LUZP2: variants seen among roughly 807,000 people sequenced by gnomAD.
LUZP2 encodes leucine zipper protein 2.
Under a neutral mutation model 51.6 loss-of-function variants are expected in LUZP2, and 52 were observed. That is an observed-to-expected ratio of 1.01 (90% CI 0.81 to 1.27). The LOEUF (loss-of-function observed/expected upper bound fraction) is 1.27. Among genes scored for constraint, LUZP2 ranks in the 50% most tolerant of loss-of-function variants. LUZP2 has a pLI of 0.00. For synonymous variants in LUZP2, 154 were observed against 137.3 expected (o/e 1.12, Z -0.85); for missense variants, 436 against 395.4 (o/e 1.10, Z -0.87).
intron 5 of LUZP2, among the ~76,000 whole-genome samples, chr11:24,818,057 C>A (rs1850237848): frequency 6.6e-6 from 1 of 152,056 alleles, no homozygotes; most frequent in Non-Finnish European, 1.5e-5. Context: ...CTAGAAAATT[C>A]TCCAAGCTCT....
intron 1 of LUZP2, among the ~76,000 whole-genome samples, chr11:24,701,825 G>T (rs950602825): frequency 6.6e-6 from 1 of 152,034 alleles, no homozygotes; most frequent in South Asian, 2.1e-4. Context: ...ACCATCTTAG[G>T]TGTCACCTTA....
At chr11:24,735,365 C>T (rs1858894766) in intron 3 of LUZP2, among the ~76,000 whole-genome samples, 1 of 151,728 alleles carries the variant, frequency 6.6e-6, no homozygotes, top group Non-Finnish European at 1.5e-5. Flanking sequence ...ATAACCACAA[C>T]AAGGAGAATA....
In LUZP2 at chr11:24,611,559, G is replaced by T. The variant is rs144684656; in HGVS notation, c.62+114254G>T. 3.6e-3 allele frequency among the ~76,000 whole-genome samples: 542 copies of T among 152,154 alleles called. 2 individuals are homozygous for T. The highest frequency in any genetic ancestry group is 8.4e-3 in the Admixed American group (128 of 15,256). ...CAGAGTTTGGCAATTATGGAACTAG[G>T]GTGGAAAGGGAGGCAGTTACTGGAA... is the stretch of plus-strand genomic sequence containing the variant. On this transcript the variant is annotated intron_variant, in intron 1 of 11. Coordinates refer to ENST00000336930, the MANE Select transcript of LUZP2 (RefSeq NM_001009909.4). This position sits in a 1 kb window ranked among gnomAD's most constrained non-coding sequence, Gnocchi z 4.6.
At chr11:24,813,252 C>T (rs1334525603) in intron 5 of LUZP2, among the ~76,000 whole-genome samples, 2 of 152,142 alleles carry the variant, frequency 1.3e-5, no homozygotes, top group Non-Finnish European at 2.9e-5. Context: ...TCTCTATTCT[C>T]TTCAGTTATA....
At chr11:24,916,601 T>C (rs1425059089) in intron 7 of LUZP2, among the ~76,000 whole-genome samples, 8 of 152,000 alleles carry the variant, frequency 5.3e-5, no homozygotes, top group Admixed American at 5.3e-4. Context: ...TTTTTGTCCT[T>C]GAGATAGTTT....
intron 5 of LUZP2, among the ~76,000 whole-genome samples, chr11:24,865,821 T>A (rs1360373881): frequency 6.6e-6 from 1 of 151,692 alleles, no homozygotes. Flanking sequence ...ATGTATTTAT[T>A]TTTTTTGAGA....
At chr11:24,700,008 C>T (rs1857376426) in intron 1 of LUZP2, among the ~76,000 whole-genome samples, 1 of 150,754 alleles carries the variant, frequency 6.6e-6, no homozygotes. Flanking sequence ...GTCACTCCCT[C>T]TCCCAAGAAA....
At chr11:24,605,499 C>T (rs1022571072) in intron 1 of LUZP2, among the ~76,000 whole-genome samples, 1 of 151,394 alleles carries the variant, frequency 6.6e-6, no homozygotes, top group Non-Finnish European at 1.5e-5. Context: ...ATGAATATAT[C>T]TCAATATTTT....
intron 7 of LUZP2, among the ~76,000 whole-genome samples, chr11:24,938,080 G>A (rs890273887): frequency 2.0e-4 from 30 of 151,984 alleles, no homozygotes; most frequent in African/African-American, 5.8e-4. Context: ...TTAGACAAAT[G>A]TATTTGTTTA....
intron 1 of LUZP2, among the ~76,000 whole-genome samples, chr11:24,573,749 C>T (rs10834392): frequency 0.44 from 65,076 of 148,038 alleles, 14,962 homozygotes; most frequent in East Asian, 0.58. Flanking sequence ...ATGAATATTC[C>T]CAAGGATACA....
intron 1 of LUZP2, among the ~76,000 whole-genome samples, chr11:24,699,678 T>TATATACACAGACATACACACAC (rs558108627): frequency 0.021 from 2,905 of 136,736 alleles, 103 homozygotes; most frequent in African/African-American, 0.069. Context: ...CACACACACA[T>TATATACACAGACATACACACAC]ATATACACAG....
chr11:24,743,318 T>TG (rs763732467), intron 4 of LUZP2, among the ~76,000 whole-genome samples: 4 of 152,110 alleles, frequency 2.6e-5, no homozygotes, highest in Non-Finnish European at 5.9e-5. Flanking sequence ...TACCCATCCA[T>TG]GAGCATGAGA....
At chr11:25,049,931 AATATT>A in intron 9 of LUZP2, 102 bp from the exon 10 acceptor site, 1 of 480,200 alleles carries the variant, frequency 2.1e-6, no homozygotes, top group East Asian at 3.4e-5. Flanking sequence ...ATGTTGCTAT[AATATT>A]ATATCATGTG....
chr11:25,015,166 C>T (rs565831636), intron 9 of LUZP2, among the ~76,000 whole-genome samples: 21 of 151,954 alleles, frequency 1.4e-4, no homozygotes, highest in African/African-American at 3.4e-4. Context: ...ATGCTATATC[C>T]GTATAAATTC....
chr11:24,592,887 A>G (rs1853308400), intron 1 of LUZP2, among the ~76,000 whole-genome samples: 1 of 152,214 alleles, frequency 6.6e-6, no homozygotes. Flanking sequence ...TTTAAGTAGA[A>G]TGCTCTATAA....
chr11:25,068,623 C>T (rs11028397), intron 10 of LUZP2, among the ~76,000 whole-genome samples: 123 of 152,048 alleles, frequency 8.1e-4, no homozygotes, highest in African/African-American at 2.0e-3. Context: ...ATGTAATGAT[C>T]GCTGTAGAGT....
At chr11:24,543,030 A>G (rs1466479262) in intron 1 of LUZP2, among the ~76,000 whole-genome samples, 1 of 151,926 alleles carries the variant, frequency 6.6e-6, no homozygotes, top group Non-Finnish European at 1.5e-5. Flanking sequence ...AAAAGAAGGA[A>G]TCTTTATTAC....
intron 5 of LUZP2, among the ~76,000 whole-genome samples, chr11:24,769,512 A>G (rs901204081): frequency 8.5e-5 from 13 of 152,164 alleles, no homozygotes; most frequent in African/African-American, 2.9e-4. Flanking sequence ...AATATGTACA[A>G]TTATGTGTCG....
intron 7 of LUZP2, among the ~76,000 whole-genome samples, chr11:24,967,236 G>A (rs113496732): frequency 0.017 from 2,539 of 151,914 alleles, 38 homozygotes; most frequent in South Asian, 0.083. Context: ...AATCCTGTGG[G>A]AATTACAGTC....
Sources: gnomAD v4.1 joint callset for allele counts (sites outside exome capture counted in the v4.1 genomes callset) on GRCh38, gnomAD v4.1.1 for gene constraint, Gnocchi (gnomAD v3.1) non-coding constraint, MANE v1.5 for transcripts, NCBI Gene and HGNC (gene_info 2026-07-23, HGNC 2026-07-21) for gene names.